The following NRG2 variants were observed in gnomAD, a reference collection of about 807,000 sequenced individuals.
NRG2 encodes pro-neuregulin-2, membrane-bound isoform.
Under a neutral mutation model 73.9 loss-of-function variants are expected in NRG2, and 27 were observed. The observed-to-expected ratio is 0.37, with a 90% CI of 0.27 to 0.50. The LOEUF is 0.50. Among genes scored for constraint, NRG2 ranks in the 20% least tolerant of loss-of-function variants. The pLI, the probability that NRG2 is intolerant of heterozygous loss-of-function variation, is 0.96. For missense variants in NRG2, 1,126 were observed against 1,210.1 expected (o/e 0.93, Z 1.03); for synonymous variants, 532 against 541.0 (o/e 0.98, Z 0.23).
intron 1 of NRG2, among the ~76,000 whole-genome samples, chr5:139,975,141 T>C (rs1453958253): frequency 6.6e-6 from 1 of 152,178 alleles, no homozygotes; most frequent in East Asian, 1.9e-4. Flanking sequence ...CCTGTACCTC[T>C]CCATTCTTAC....
At chr5:139,850,318 C>T (rs1232448024) in intron 9 of NRG2, among the ~76,000 whole-genome samples, 2 of 152,198 alleles carry the variant, frequency 1.3e-5, no homozygotes, top group Non-Finnish European at 2.9e-5. Flanking sequence ...CAGTCTGCCC[C>T]AAATCACACA....
chr5:140,029,605 T>C (rs947929742), intron 1 of NRG2, among the ~76,000 whole-genome samples: 1 of 150,220 alleles, frequency 6.7e-6, no homozygotes, highest in African/African-American at 2.5e-5. Context: ...GGAGAATTGC[T>C]TGAATCTGGA....
chr5:139,879,241 T>G (rs1416916539), intron 3 of NRG2, among the ~76,000 whole-genome samples: 1 of 151,348 alleles, frequency 6.6e-6, no homozygotes, highest in Non-Finnish European at 1.5e-5. Flanking sequence ...ACAGATTCAC[T>G]GGGATGGCCA....
At chr5:139,903,184 G>A (rs1169762657) in intron 1 of NRG2, among the ~76,000 whole-genome samples, 3 of 152,162 alleles carry the variant, frequency 2.0e-5, no homozygotes, top group Non-Finnish European at 4.4e-5. Flanking sequence ...TGCTGATCTG[G>A]TGGGCACTCC....
At chr5:139,873,056 C>T (rs958944268) in intron 3 of NRG2, among the ~76,000 whole-genome samples, 9 of 152,176 alleles carry the variant, frequency 5.9e-5, no homozygotes, top group Non-Finnish European at 2.9e-5. Context: ...AGGAGGAGGG[C>T]AGGCAGTCGG....
intron 5 of NRG2, among the ~76,000 whole-genome samples, chr5:139,863,978 C>T (rs966296433): frequency 3.3e-5 from 5 of 152,244 alleles, no homozygotes; most frequent in African/African-American, 9.6e-5. Flanking sequence ...GACCTAAATC[C>T]CCAAACCCCT....
Position 139,849,661 on chromosome 5 carries a change from G to C in NRG2, c.1773-964C>G, listed in dbSNP as rs78723048. Among the ~76,000 whole-genome samples, 545 of 152,210 alleles carry C rather than the reference G, an allele frequency of 3.6e-3. 3 individuals are homozygous for C. The highest frequency in any genetic ancestry group is 0.012 in the African/African-American group (514 of 41,516). The stretch of plus-strand genomic sequence containing the variant: ...AAACTGCACAGCTGGGCATCTCACT[G>C]CTCTCTGGAACCAGCCTGGAGTCCC... On this transcript the variant is annotated intron_variant, in intron 9 of 9. Transcript: ENST00000361474.
At chr5:139,900,531 CA>C (rs1246470354) in intron 1 of NRG2, among the ~76,000 whole-genome samples, 1 of 152,234 alleles carries the variant, frequency 6.6e-6, no homozygotes, top group Non-Finnish European at 1.5e-5. Flanking sequence ...ACAATGAGAA[CA>C]TGGTTCCAAT....
chr5:139,861,195 C>G (rs1481836369), intron 5 of NRG2, among the ~76,000 whole-genome samples: 1 of 152,178 alleles, frequency 6.6e-6, no homozygotes, highest in African/African-American at 2.4e-5. Context: ...GCTCAGCATG[C>G]GTGCAGGGCC....
chr5:139,858,043 T>A (rs1160128944), intron 5 of NRG2, among the ~76,000 whole-genome samples: 1 of 152,172 alleles, frequency 6.6e-6, no homozygotes, highest in Non-Finnish European at 1.5e-5. Flanking sequence ...AAAGCTACAT[T>A]TATTTACAAC....
At chr5:139,919,842 A>G (rs187657111) in intron 1 of NRG2, among the ~76,000 whole-genome samples, 68 of 152,378 alleles carry the variant, frequency 4.5e-4, no homozygotes, top group African/African-American at 1.5e-3. Context: ...AAACACAGCA[A>G]TTGGATTAGG....
chr5:139,904,440 C>T lies in NRG2; in HGVS notation c.701-16929G>A. On this transcript the variant is annotated intron_variant, in intron 1 of 9. Coordinates refer to ENST00000361474, the MANE Select transcript of NRG2 (RefSeq NM_004883.3). This position sits in a 1 kb window ranked among gnomAD's most constrained non-coding sequence, Gnocchi z 6.0. ...GCGGTGGGACGGCCTCAGCTCTCCG[C>T]TGCCGCGCTGCGCCCCCGCCGCCTG... 1 of 1,215,454 alleles carries T rather than the reference C, an allele frequency of 8.2e-7. No individual in the cohort carries two copies. 75.3% of individuals were successfully genotyped at this position (1,215,454 alleles called of 1,614,324 possible).
intron 5 of NRG2, among the ~76,000 whole-genome samples, chr5:139,860,821 C>T (rs2127032823): frequency 6.6e-6 from 1 of 152,302 alleles, no homozygotes; most frequent in East Asian, 1.9e-4. Context: ...CAGTTCTGCA[C>T]TGACCTGCTG....
chr5:139,852,373 CTT>C lies in NRG2; in HGVS notation c.1544+57_1544+58del. 2 of 1,583,732 alleles carry C rather than the reference CTT, an allele frequency of 1.3e-6. No individual in the cohort carries two copies. The highest frequency in any genetic ancestry group is 3.5e-5 in the Admixed American group (2 of 56,922). ...CTCTGGATGTCGGAGTAAGTGGGCA[CTT>C]TGCGCCAGATGAAGTATGTGAGTCT... On this transcript the variant is annotated intron_variant, in intron 8 of 9. Transcript: ENST00000361474. This position sits in a 1 kb window ranked among gnomAD's most constrained non-coding sequence, Gnocchi z 4.4.
At chr5:140,030,713 G>T (rs1229454520) in intron 1 of NRG2, among the ~76,000 whole-genome samples, 1 of 152,186 alleles carries the variant, frequency 6.6e-6, no homozygotes, top group East Asian at 1.9e-4. Context: ...CTTTCCAGCA[G>T]AAAGACCTTT....
At chr5:139,864,385 CTTTTT>C (rs954495131) in intron 5 of NRG2, among the ~76,000 whole-genome samples, 1 of 134,594 alleles carries the variant, frequency 7.4e-6, no homozygotes. Context: ...TCTTCTTCTT[CTTTTT>C]TTTTTTTTTT....
chr5:139,918,707 G>A (rs1268951066), intron 1 of NRG2, among the ~76,000 whole-genome samples: 1 of 152,180 alleles, frequency 6.6e-6, no homozygotes, highest in Non-Finnish European at 1.5e-5. Flanking sequence ...GAAATGCCTA[G>A]CAGACATCCG....
intron 1 of NRG2, among the ~76,000 whole-genome samples, chr5:140,038,837 C>CT (rs1407654256): frequency 6.6e-6 from 1 of 152,192 alleles, no homozygotes; most frequent in African/African-American, 2.4e-5. Context: ...ATGCCTTGTC[C>CT]TCATCACTAG....
intron 1 of NRG2, among the ~76,000 whole-genome samples, chr5:139,923,298 A>G (rs986937151): frequency 9.2e-5 from 14 of 152,156 alleles, no homozygotes; most frequent in African/African-American, 2.7e-4. Flanking sequence ...AAAGCAATTG[A>G]CAATTATGAA....
Sources: gnomAD v4.1 joint callset for allele counts (sites outside exome capture counted in the v4.1 genomes callset) on GRCh38, gnomAD v4.1.1 for gene constraint, Gnocchi (gnomAD v3.1) non-coding constraint, MANE v1.5 for transcripts, NCBI Gene and HGNC (gene_info 2026-07-23, HGNC 2026-07-21) for gene names.